The following ADH5 variants were observed in gnomAD, a reference collection of about 807,000 sequenced individuals.
ADH5 encodes the protein alcohol dehydrogenase class-3.
ADH5 carries 32 observed loss-of-function variants against 40.3 expected under a neutral mutation model. The ratio of observed to expected loss-of-function variants is 0.79; its 90% CI spans 0.60 to 1.07. The LOEUF (loss-of-function observed/expected upper bound fraction) is 1.07, where lower values mean the gene tolerates loss of function less well. Among genes scored for constraint, ADH5 ranks in the 50% least tolerant of loss-of-function variants. The probability of loss-of-function intolerance (pLI) is 0.00; values close to 1 mark genes in which losing one functional copy is unlikely to be tolerated. For missense variants in ADH5, 353 were observed against 460.5 expected, an observed-to-expected ratio of 0.77 and a Z score of 2.14; for synonymous variants, 125 against 154.3, an observed-to-expected ratio of 0.81 and a Z score of 1.41.
At chr4:99,072,880 GAAGT>G (rs917199211) in intron 7 of ADH5, among the ~76,000 whole-genome samples, 169 bp from the exon 8 acceptor site, 3 of 152,162 alleles carry the variant, frequency 2.0e-5, no homozygotes, top group Non-Finnish European at 4.4e-5. Flanking sequence ...TTTCAGTGAA[GAAGT>G]AAATACTTTT....
chr4:99,079,746 G>T, intron 4 of ADH5: 1 of 260,360 alleles, frequency 3.8e-6, no homozygotes, highest in Non-Finnish European at 7.5e-6. Context: ...TACCTTTTCT[G>T]TGTCAAGGAG....
chr4:99,076,628 C>T, intron 5 of ADH5, 76 bp from the exon 6 acceptor site: 1 of 1,592,082 alleles, frequency 6.3e-7, no homozygotes. Flanking sequence ...ACAGATTGGC[C>T]AATTTCACTA....
At chr4:99,088,086 TTTTGGTAAGA>T (rs1728182747) in intron 1 of ADH5, among the ~76,000 whole-genome samples, 1 of 152,098 alleles carries the variant, frequency 6.6e-6, no homozygotes, top group Non-Finnish European at 1.5e-5. Context: ...AAACCTCAGT[TTTTGGTAAGA>T]TGGGGATAAC....
intron 4 of ADH5, 82 bp downstream of exon 4, chr4:99,081,283 C>A: frequency 4.1e-6 from 3 of 726,578 alleles, no homozygotes; most frequent in Admixed American, 2.7e-5. Context: ...TTAAATAATT[C>A]CTCCTCAACC....
At chr4:99,073,558 T>C (rs1446632329) in intron 7 of ADH5, among the ~76,000 whole-genome samples, 1 of 152,240 alleles carries the variant, frequency 6.6e-6, no homozygotes, top group Non-Finnish European at 1.5e-5. Context: ...CAAGAAGCCT[T>C]CTCACCTTCT....
intron 1 of ADH5, chr4:99,085,507 A>G: frequency 3.5e-6 from 1 of 287,304 alleles, no homozygotes; most frequent in Non-Finnish European, 6.7e-6. Context: ...CAGGTTAAGA[A>G]CACAAGTTCC....
chr4:99,087,105 C>T (rs1424617942), intron 1 of ADH5, among the ~76,000 whole-genome samples: 2 of 151,204 alleles, frequency 1.3e-5, no homozygotes, highest in African/African-American at 2.4e-5. Context: ...CTCTGTAGGC[C>T]GGGTGCAGGG....
At chr4:99,073,283 AT>A (rs1727865464) in intron 7 of ADH5, among the ~76,000 whole-genome samples, 1 of 152,174 alleles carries the variant, frequency 6.6e-6, no homozygotes, top group Non-Finnish European at 1.5e-5. Context: ...GGTTCACGCC[AT>A]TCTCCTGCCT....
In ADH5 at chr4:99,071,284, T is replaced by TA. The variant is rs1727828483; in HGVS notation, c.*1132dup. Reference sequence around the variant, plus strand: ...CATGTAATTCACAAAAACTCACATTTACTTTGAAGAGCAATTTGGCAATGT... The same window carrying TA: ...CATGTAATTCACAAAAACTCACATTTAACTTTGAAGAGCAATTTGGCAATGT... On this transcript the variant is annotated 3_prime_UTR_variant, in exon 9 of 9. Coordinates refer to ENST00000296412, the MANE Select transcript of ADH5 (RefSeq NM_000671.4). 6.6e-6 allele frequency: 1 copy of TA among 152,244 alleles called. No homozygotes were observed. Among genetic ancestry groups the TA allele is most frequent in the African/African-American group, 2.4e-5 (1 of 41,472 alleles). The allele number at this position is 152,244 out of a possible 1,614,324, so 9.4% of individuals were successfully genotyped here.
At chr4:99,080,899 G>GT (rs1728015052) in intron 4 of ADH5, among the ~76,000 whole-genome samples, 1 of 152,218 alleles carries the variant, frequency 6.6e-6, no homozygotes, top group African/African-American at 2.4e-5. Flanking sequence ...TCAGTTGTAT[G>GT]TAAGAAAACC....
chr4:99,081,334 T>C, intron 4 of ADH5, 31 bp downstream of exon 4: 4 of 1,359,778 alleles, frequency 2.9e-6, no homozygotes, highest in Middle Eastern at 1.8e-4. Flanking sequence ...GCAGCACTTG[T>C]GTTTTAAGAA....
At position 99,071,440 on chromosome 4, in the gene ADH5, C is replaced by T. The variant is rs1483718810; in HGVS notation, c.*977G>A. The T allele has an allele frequency of 1.3e-5, 2 of 152,138 alleles. No homozygotes were observed. Among genetic ancestry groups the T allele is most frequent in the Non-Finnish European group, 2.9e-5 (2 of 68,036 alleles). The allele number at this position is 152,138 out of a possible 1,614,324, so 9.4% of individuals were successfully genotyped here. A position where few individuals can be genotyped will look rare whatever the true frequency, so the allele number is the denominator to read the frequency against. On this transcript the variant is annotated 3_prime_UTR_variant, in exon 9 of 9. Coordinates refer to ENST00000296412, the MANE Select transcript of ADH5 (RefSeq NM_000671.4). ...CAACTTCATGCCTTCAACTGGAGAA[C>T]AGATAAATTATGGTAGTTCCCGTAA...
rs748214718 is a variant in ADH5 at position 99,076,876 on chromosome 4, G to A, written c.392C>T (p.Thr131Ile). The A allele has an allele frequency of 5.0e-6, 8 of 1,613,744 alleles. No individual in the cohort carries two copies. Among genetic ancestry groups the A allele is most frequent in the Non-Finnish European group, 5.1e-6 (6 of 1,179,802 alleles). Residue 131 changes from threonine to isoleucine, a missense_variant, in exon 5 of 9, where the codon ACT becomes ATT. Physicochemically the swap from Thr to Ile is moderately conservative, Grantham distance 89. Coordinates refer to ENST00000296412, the MANE Select transcript of ADH5 (RefSeq NM_000671.4). ...GLMPDGTSRF[T>I]CKGKTILHYM... The stretch of plus-strand genomic sequence containing the variant: ...ATGCAAAATTGTCTTTCCTTTGCAA[G>A]TAAATCTGCTGGTACCATCTGGCAT...
At chr4:99,083,600 CAAAAAAAAAAAAAAAA>C (rs6148593) in intron 2 of ADH5, among the ~76,000 whole-genome samples, 3 of 85,228 alleles carry the variant, frequency 3.5e-5, no homozygotes, top group Admixed American at 1.2e-4. Context: ...ACTCTGTCTC[CAAAAAAAAAAAAAAAA>C]AAAAAAAAAA....
intron 2 of ADH5, among the ~76,000 whole-genome samples, chr4:99,082,465 A>G (rs1406238595): frequency 6.6e-6 from 1 of 152,224 alleles, no homozygotes; most frequent in Non-Finnish European, 1.5e-5. Context: ...GCCTGTGTGC[A>G]AAACAGGTGG....
In ADH5 at chr4:99,071,408, C is replaced by T. The variant is rs1390726264; in HGVS notation, c.*1009G>A. 1 of 152,210 alleles carries T rather than the reference C, an allele frequency of 6.6e-6. No individual in the cohort carries two copies. The highest frequency in any genetic ancestry group is 6.5e-5 in the Admixed American group (1 of 15,284). 9.4% of individuals were successfully genotyped at this position (152,210 alleles called of 1,614,324 possible). On this transcript the variant is annotated 3_prime_UTR_variant, in exon 9 of 9. Transcript: ENST00000296412. ...CCACTACAGTGTTATAATACAGAAA[C>T]TGGCAACAACTTCATGCCTTCAACT...
intron 3 of ADH5, chr4:99,081,696 ATCCTGCT>A: frequency 1.8e-6 from 1 of 552,172 alleles, no homozygotes; most frequent in Non-Finnish European, 3.2e-6. Context: ...ATGCTTCAAA[ATCCTGCT>A]TCATTGATGC....
At chr4:99,083,151 G>C (rs980394316) in intron 2 of ADH5, among the ~76,000 whole-genome samples, 2 of 152,170 alleles carry the variant, frequency 1.3e-5, no homozygotes, top group African/African-American at 2.4e-5. Context: ...AGCTCAATGA[G>C]CACAATGAAT....
chr4:99,072,958 CTT>C (rs1313894622), intron 7 of ADH5, among the ~76,000 whole-genome samples: 3 of 152,150 alleles, frequency 2.0e-5, no homozygotes, highest in African/African-American at 7.2e-5. Flanking sequence ...CCAATTGAGA[CTT>C]TTAAACTACC....
Sources: gnomAD v4.1 joint callset for allele counts (sites outside exome capture counted in the v4.1 genomes callset) on GRCh38, gnomAD v4.1.1 for gene constraint, MANE v1.5 for transcripts, NCBI Gene and HGNC (gene_info 2026-07-23, HGNC 2026-07-21) for gene names.